Variants in PARVB observed in about 807,000 individuals in gnomAD.
PARVB encodes the protein beta-parvin.
In PARVB, 46 loss-of-function variants were observed where a neutral mutation model predicts 47.0. The ratio of observed to expected loss-of-function variants is 0.98; its 90% confidence interval spans 0.77 to 1.25. The LOEUF is 1.25. PARVB is among the 50% of genes most tolerant of loss of function. The pLI, the probability that PARVB is intolerant of heterozygous loss-of-function variation, is 0.00. For synonymous variants in PARVB, 196 were observed against 196.3 expected (o/e 1.00, Z 0.01); for missense variants, 473 against 471.6 (o/e 1.00, Z -0.03).
At chr22:44,078,085 G>A (rs2146997281) in intron 1 of PARVB, among the ~76,000 whole-genome samples, 1 of 152,312 alleles carries the variant, frequency 6.6e-6, no homozygotes, top group African/African-American at 2.4e-5. Flanking sequence ...TGTGGTGGAA[G>A]GAGCCTGAAT....
intron 1 of PARVB, among the ~76,000 whole-genome samples, chr22:44,055,148 G>A (rs866492513): frequency 2.3e-4 from 35 of 151,996 alleles, no homozygotes; most frequent in African/African-American, 8.0e-4. Flanking sequence ...CTAATATTAA[G>A]GAAGTACCCA....
At chr22:44,140,487 C>A in intron 8 of PARVB, 1 of 625,360 alleles carries the variant, frequency 1.6e-6, no homozygotes, top group South Asian at 1.4e-5. Flanking sequence ...GGAGAGGCAG[C>A]CAGCACATGG....
chr22:44,062,589 A>G (rs767619789), intron 1 of PARVB, among the ~76,000 whole-genome samples: 99 of 152,052 alleles, frequency 6.5e-4, no homozygotes, highest in Admixed American at 1.1e-3. Flanking sequence ...GTGAGCTGAG[A>G]TCGCACCACT....
At chr22:44,164,066 G>T (rs1007348358) in intron 12 of PARVB, 136 bp downstream of exon 12, 46 of 566,414 alleles carry the variant, frequency 8.1e-5, no homozygotes, top group African/African-American at 7.1e-4. Context: ...GCAAGGGTCT[G>T]CCAACCCCAG....
intron 4 of PARVB, among the ~76,000 whole-genome samples, chr22:44,122,542 G>C (rs1004014969): frequency 0.016 from 1,648 of 105,464 alleles, 78 homozygotes; most frequent in African/African-American, 0.036. Context: ...GAGAGAGAGA[G>C]AGAGAGAGAG....
intron 2 of PARVB, 63 bp downstream of exon 2, chr22:44,094,080 T>A (rs983578291): frequency 1.7e-5 from 17 of 990,118 alleles, no homozygotes; most frequent in Non-Finnish European, 2.3e-5. Flanking sequence ...TAAGTTGGTC[T>A]TGGGGAGGCC....
At chr22:44,074,300 A>G (rs867719842) in intron 1 of PARVB, among the ~76,000 whole-genome samples, 3 of 152,176 alleles carry the variant, frequency 2.0e-5, no homozygotes, top group Non-Finnish European at 4.4e-5. Flanking sequence ...CTGGGTGAGC[A>G]ACACTGACAG....
rs2050693346 is a variant in PARVB at position 44,024,375 on chromosome 22, C to G, written c.36C>G (p.Pro12=). Residue 12 remains proline (P), a synonymous_variant, in exon 1 of 13, where the codon CCC becomes CCG. Transcript: ENST00000338758. ...CGCCGCGCTCGCCCACCCCGCGGCC[C>G]CGCAGGATGAAGAAGGACGAGTCGT... is the stretch of plus-strand genomic sequence containing the variant. ...SSAPRSPTPR[P]RRMKKDESFL... The G allele has an allele frequency of 4.1e-6, 5 of 1,221,144 alleles. No homozygotes were observed. Among genetic ancestry groups the G allele is most frequent in the Middle Eastern group, 3.1e-4 (1 of 3,196 alleles). The allele number at this position is 1,221,144 out of a possible 1,614,324, so 75.6% of individuals were successfully genotyped here. A position where few individuals can be genotyped will look rare whatever the true frequency, so the allele number is the denominator to read the frequency against.
At chr22:44,102,234 T>TG (rs1188157211) in intron 3 of PARVB, among the ~76,000 whole-genome samples, 2 of 152,112 alleles carry the variant, frequency 1.3e-5, no homozygotes, top group African/African-American at 4.8e-5. Context: ...TTTTGTTCTA[T>TG]GGGATCAGAT....
At chr22:44,167,413 G>C (rs12170971) in intron 12 of PARVB, among the ~76,000 whole-genome samples, 7,983 of 152,184 alleles carry the variant, frequency 0.052, 683 homozygotes, top group African/African-American at 0.18. Flanking sequence ...GAGGCTGTCT[G>C]GAAGTTCTCA....
intron 6 of PARVB, among the ~76,000 whole-genome samples, chr22:44,133,389 G>C (rs962280042): frequency 6.6e-6 from 1 of 152,178 alleles, no homozygotes; most frequent in Non-Finnish European, 1.5e-5. Flanking sequence ...CTTTGCATTC[G>C]TTGGGGATTA....
In PARVB at chr22:44,049,286, C is replaced by G. The variant is rs1271232215; in HGVS notation, c.112+24835C>G. On this transcript the variant is annotated intron_variant, in intron 1 of 12. Transcript: ENST00000338758. This position sits in a 1 kb window ranked among gnomAD's most constrained non-coding sequence, Gnocchi z 4.0. ...GTGCTGGTGTCAGAATGAACAATACCCATAGTGCTTGGCGTAGACAATCAG... is the reference window on the plus strand; with the variant it reads ...GTGCTGGTGTCAGAATGAACAATACGCATAGTGCTTGGCGTAGACAATCAG... Among the ~76,000 whole-genome samples, 1 of 152,084 alleles carries G rather than the reference C, an allele frequency of 6.6e-6. No individual in the cohort carries two copies. The highest frequency in any genetic ancestry group is 2.4e-5 in the African/African-American group (1 of 41,398).
chr22:44,118,164 A>G (rs73424417), intron 3 of PARVB, among the ~76,000 whole-genome samples: 8 of 152,354 alleles, frequency 5.3e-5, no homozygotes, highest in African/African-American at 7.2e-5. Context: ...CGAAATAACC[A>G]TCAACCAAGG....
intron 1 of PARVB, among the ~76,000 whole-genome samples, chr22:44,054,910 A>C (rs2051276278): frequency 6.8e-6 from 1 of 147,956 alleles, no homozygotes; most frequent in Non-Finnish European, 1.5e-5. Context: ...GAATCACTTG[A>C]ACCCAGGAGG....
intron 2 of PARVB, among the ~76,000 whole-genome samples, 170 bp from the exon 3 acceptor site, chr22:44,099,883 C>T (rs1204752247): frequency 6.6e-6 from 1 of 152,110 alleles, no homozygotes; most frequent in South Asian, 2.1e-4. Context: ...GAGGGGAAGG[C>T]GGGAGGATGC....
chr22:44,066,778 T>TTTCTTCTCCTCCTCCTCCTCCTCC (rs202143083), intron 1 of PARVB, among the ~76,000 whole-genome samples: 2,274 of 118,786 alleles, frequency 0.019, 67 homozygotes, highest in African/African-American at 0.055. Flanking sequence ...CCCTTAATTA[T>TTTCTTCTCCTCCTCCTCCTCCTCC]TTCTCCTCCT....
chr22:44,118,320 G>T (rs533413820), intron 3 of PARVB, among the ~76,000 whole-genome samples: 4 of 152,170 alleles, frequency 2.6e-5, no homozygotes, highest in Admixed American at 2.6e-4. Flanking sequence ...AGACATCATC[G>T]GCTCCTATTA....
chr22:44,117,907 A>T (rs1376024150), intron 3 of PARVB, among the ~76,000 whole-genome samples: 1 of 152,232 alleles, frequency 6.6e-6, no homozygotes, highest in Non-Finnish European at 1.5e-5. Context: ...TGTGGAATAG[A>T]CATGTCAGAA....
At chr22:44,061,140 C>A (rs951903045) in intron 1 of PARVB, among the ~76,000 whole-genome samples, 1 of 152,082 alleles carries the variant, frequency 6.6e-6, no homozygotes, top group Admixed American at 6.6e-5. Flanking sequence ...TTTTAAACAG[C>A]AAAGTTGGCT....
Sources: gnomAD v4.1 joint callset for allele counts (sites outside exome capture counted in the v4.1 genomes callset) on GRCh38, gnomAD v4.1.1 for gene constraint, Gnocchi (gnomAD v3.1) non-coding constraint, MANE v1.5 for transcripts, NCBI Gene and HGNC (gene_info 2026-07-23, HGNC 2026-07-21) for gene names.